The following PCLO variants were observed in gnomAD, a reference collection of about 807,000 sequenced individuals.
PCLO encodes the protein protein piccolo.
A neutral mutation model predicts 427.5 loss-of-function variants in PCLO; 82 were observed. The ratio of observed to expected loss-of-function variants is 0.19; its 90% CI spans 0.16 to 0.23. PCLO has a LOEUF of 0.23. Ranked by LOEUF, PCLO falls within the 10% of genes least tolerant of loss-of-function variation. PCLO has a pLI of 1.00. For synonymous variants in PCLO, 2,357 were observed against 2,155.4 expected, an observed-to-expected ratio of 1.09 and a Z score of -2.59; for missense variants, 6,239 against 6,115.9, an observed-to-expected ratio of 1.02 and a Z score of -0.67.
chr7:83,155,334 G>GGCCCAGGTGCCTTAGCTGGAGACTGTA lies in PCLO; in HGVS notation c.1280_1306dup (p.Leu427_Gly435dup), dbSNP rs1196037019. The GGCCCAGGTGCCTTAGCTGGAGACTGTA allele has an allele frequency of 6.2e-7, 1 of 1,613,666 alleles. No homozygotes were observed. The highest frequency in any genetic ancestry group is 1.3e-5 in the African/African-American group (1 of 74,908). On this transcript the variant is annotated inframe_insertion, in exon 2 of 25. Coordinates refer to ENST00000333891, the MANE Select transcript of PCLO (RefSeq NM_033026.6). ...AGGCTGCTGAACTGGAGTCTTTGTA[G>GGCCCAGGTGCCTTAGCTGGAGACTGTA]GCCCAGGTGCCTTAGCTGGAGACTG...
In PCLO at chr7:83,134,528, A is replaced by C. The variant is rs1253298056; in HGVS notation, c.3022T>G (p.Leu1008Val). ...KETKAPAAEKLEPKAEQAPTV... is the reference protein window; with the variant it reads ...KETKAPAAEKVEPKAEQAPTV... ...GGAGCTTGTTCAGCTTTGGGCTCTA[A>C]TTTTTCAGCTGCTGGGGCTTTTGTT... The change falls in exon 3 of 25, where the codon TTA becomes GTA. Residue 1008 changes from leucine to valine, a missense_variant. Coordinates refer to ENST00000333891, the MANE Select transcript of PCLO (RefSeq NM_033026.6). 6.2e-7 allele frequency: 1 copy of C among 1,613,534 alleles called. No homozygotes were observed. Among genetic ancestry groups the C allele is most frequent in the Non-Finnish European group, 8.5e-7 (1 of 1,179,788 alleles).
intron 19 of PCLO, 113 bp from the exon 20 acceptor site, chr7:82,822,802 T>A (rs1159108903): frequency 3.5e-6 from 3 of 854,290 alleles, no homozygotes; most frequent in Non-Finnish European, 3.8e-6. Flanking sequence ...CTGAGTCTTA[T>A]ATGATTCATT....
chr7:82,949,061 T>C (rs1020569458), intron 6 of PCLO, among the ~76,000 whole-genome samples: 2 of 152,186 alleles, frequency 1.3e-5, no homozygotes, highest in Non-Finnish European at 2.9e-5. Context: ...TTTTGCATTA[T>C]CTGTTTAATG....
intron 3 of PCLO, among the ~76,000 whole-genome samples, chr7:83,024,407 A>G (rs12707537): frequency 0.1 from 15,163 of 152,286 alleles, 1,015 homozygotes; most frequent in Non-Finnish European, 0.14. Context: ...TGAGCTTAAA[A>G]AACGGCGCAG....
intron 3 of PCLO, among the ~76,000 whole-genome samples, chr7:82,980,642 C>G (rs917683059): frequency 2.6e-5 from 4 of 152,100 alleles, no homozygotes; most frequent in African/African-American, 9.7e-5. Context: ...AACTTCCTCC[C>G]TAGGCTACTT....
intron 3 of PCLO, among the ~76,000 whole-genome samples, chr7:83,096,571 G>C (rs970579477): frequency 3.3e-5 from 5 of 150,916 alleles, no homozygotes; most frequent in Non-Finnish European, 2.9e-5. Context: ...ATGTATGTCA[G>C]CTATGATTAC....
intron 3 of PCLO, among the ~76,000 whole-genome samples, chr7:83,100,562 C>A (rs1790712176): frequency 6.6e-6 from 1 of 152,068 alleles, no homozygotes; most frequent in South Asian, 2.1e-4. Context: ...AAACAGAAAA[C>A]CAAATACCGC....
At chr7:82,978,835 AAC>A (rs764956145) in intron 3 of PCLO, among the ~76,000 whole-genome samples, 1,413 of 129,856 alleles carry the variant, frequency 0.011, 24 homozygotes, top group African/African-American at 0.038. Context: ...AGGAACAAGA[AAC>A]ACACACACAC....
rs1343339761 is a variant in PCLO, at chr7:82,826,756, CTCCT to C, written c.14344-100_14344-97del. 4 of 629,164 alleles carry C rather than the reference CTCCT, an allele frequency of 6.4e-6. No homozygotes were observed. The East Asian group carries it at 9.2e-5, about 14-fold the overall frequency. 39.0% of individuals were successfully genotyped at this position (629,164 alleles called of 1,614,324 possible). On this transcript the variant is annotated intron_variant, in intron 17 of 24. Coordinates refer to ENST00000333891, the MANE Select transcript of PCLO (RefSeq NM_033026.6). ...AGACATATTTATTTTTTTCCTTAAA[CTCCT>C]TCCATTTATGTGAAAATACTTAAAA... is the stretch of plus-strand genomic sequence containing the variant.
intron 22 of PCLO, among the ~76,000 whole-genome samples, chr7:82,787,249 T>C (rs1440745866): frequency 6.6e-6 from 1 of 151,992 alleles, no homozygotes; most frequent in South Asian, 2.1e-4. Context: ...CCAGCATCTG[T>C]TGTTTCCTGA....
intron 3 of PCLO, among the ~76,000 whole-genome samples, chr7:83,040,360 T>C (rs1057297503): frequency 1.3e-5 from 2 of 152,038 alleles, no homozygotes; most frequent in Non-Finnish European, 2.9e-5. Context: ...ATAACAGGGG[T>C]TTGGGCAGGC....
At chr7:82,850,712 T>G (rs1212782454) in intron 10 of PCLO, among the ~76,000 whole-genome samples, 1 of 152,180 alleles carries the variant, frequency 6.6e-6, no homozygotes, top group Non-Finnish European at 1.5e-5. Flanking sequence ...TTCATTTTAT[T>G]CATTCCACAT....
chr7:83,154,604 C>T, intron 2 of PCLO, 144 bp downstream of exon 2: 1 of 653,632 alleles, frequency 1.5e-6, no homozygotes, highest in East Asian at 2.8e-5. Context: ...AAAATTACAA[C>T]TGGCAGAAAA....
intron 6 of PCLO, among the ~76,000 whole-genome samples, chr7:82,923,917 T>C (rs2116309897): frequency 6.6e-6 from 1 of 152,188 alleles, no homozygotes; most frequent in African/African-American, 2.4e-5. Context: ...GTTGCATCTC[T>C]GGCTTGTACC....
chr7:82,799,510 A>G (rs1232397245), intron 22 of PCLO, among the ~76,000 whole-genome samples: 2 of 152,214 alleles, frequency 1.3e-5, no homozygotes, highest in Non-Finnish European at 2.9e-5. Context: ...GGGCATACGT[A>G]GCTTGATGCA....
chr7:82,900,702 G>GC (rs1554349120), intron 9 of PCLO, among the ~76,000 whole-genome samples: 7 of 151,072 alleles, frequency 4.6e-5, no homozygotes, highest in Non-Finnish European at 8.9e-5. Context: ...TCCTGGACCA[G>GC]AAAAAAAATA....
chr7:82,762,892 T>C (rs1317489553), intron 22 of PCLO, among the ~76,000 whole-genome samples: 1 of 152,016 alleles, frequency 6.6e-6, no homozygotes, highest in Non-Finnish European at 1.5e-5. Flanking sequence ...TCCTCCTGCC[T>C]TGGCCTTACA....
At chr7:82,977,035 TA>T (rs1484906750) in intron 3 of PCLO, among the ~76,000 whole-genome samples, 1 of 152,108 alleles carries the variant, frequency 6.6e-6, no homozygotes, top group African/African-American at 2.4e-5. Context: ...TTATTATTTG[TA>T]AATTAGATAT....
At chr7:82,896,310 A>G (rs927220058) in intron 9 of PCLO, among the ~76,000 whole-genome samples, 4 of 151,816 alleles carry the variant, frequency 2.6e-5, no homozygotes, top group African/African-American at 9.7e-5. Flanking sequence ...ATTTAGCAGT[A>G]AAAAGGAGCA....
Sources: gnomAD v4.1 joint callset for allele counts (sites outside exome capture counted in the v4.1 genomes callset) on GRCh38, gnomAD v4.1.1 for gene constraint, MANE v1.5 for transcripts, NCBI Gene and HGNC (gene_info 2026-07-23, HGNC 2026-07-21) for gene names.